DCAF6: variants seen among roughly 807,000 people sequenced by gnomAD.
The protein encoded by DCAF6 is DDB1 and CUL4 associated factor 6, also known as DDB1- and CUL4-associated factor 6.
DCAF6 carries 54 observed loss-of-function variants against 125.1 expected under a neutral mutation model. The ratio of observed to expected loss-of-function variants is 0.43; its 90% CI spans 0.35 to 0.54. DCAF6 has a LOEUF of 0.54. Among genes scored for constraint, DCAF6 ranks in the 20% least tolerant of loss-of-function variants. DCAF6 has a pLI of 0.01. For missense variants in DCAF6, 934 were observed against 1,161.7 expected (o/e 0.80, Z 2.85); for synonymous variants, 371 against 390.4 (o/e 0.95, Z 0.58).
intron 1 of DCAF6, among the ~76,000 whole-genome samples, chr1:167,948,134 CTT>C (rs34716266): frequency 1.5e-4 from 20 of 132,780 alleles, no homozygotes; most frequent in Admixed American, 1.5e-4. Context: ...TTTCTTAGTC[CTT>C]TTTTTTTTTT....
chr1:167,956,532 C>T (rs530797338), intron 2 of DCAF6, among the ~76,000 whole-genome samples: 22 of 152,042 alleles, frequency 1.4e-4, no homozygotes, highest in South Asian at 8.3e-4. Flanking sequence ...TAATTGTCTC[C>T]GTTGTTTTTC....
chr1:167,887,798 T>C, the DCAF6 span, among the ~76,000 whole-genome samples: 3 of 151,568 alleles, frequency 2.0e-5, no homozygotes, highest in Middle Eastern at 3.4e-3. Flanking sequence ...AAACACTTGA[T>C]GTTATCCCAT....
upstream of DCAF6, among the ~76,000 whole-genome samples, chr1:167,930,899 G>T (rs1670887906): frequency 6.6e-6 from 1 of 152,206 alleles, no homozygotes; most frequent in Admixed American, 6.5e-5. Context: ...TAGTTTAAAA[G>T]CAGGATAGCA....
chr1:168,063,913 C>A, intron 18 of DCAF6, 154 bp downstream of exon 18: 1 of 653,488 alleles, frequency 1.5e-6, no homozygotes, highest in Non-Finnish European at 2.4e-6. Flanking sequence ...TTCTTTTAGC[C>A]CTATAATATA....
At chr1:167,864,031 C>T in the DCAF6 span, among the ~76,000 whole-genome samples, 2 of 152,224 alleles carry the variant, frequency 1.3e-5, no homozygotes, top group African/African-American at 2.4e-5. Context: ...TGATCACCCA[C>T]GGTGTGCCTG....
chr1:167,991,222 C>T lies in DCAF6; in HGVS notation c.571C>T (p.Arg191Ter), dbSNP rs1166712923. 1 of 1,611,476 alleles carries T rather than the reference C, an allele frequency of 6.2e-7. No homozygotes were observed. The change falls in exon 6 of 22, where the codon CGA (arginine) becomes TGA (stop). Residue 191 changes from arginine to a stop codon, truncating the protein, a stop_gained. Transcript: ENST00000367840. LOFTEE classifies it high-confidence loss of function. ...TTTGTAGGATATTTTAATTAACTGT[C>T]GACGTGCTGCCACGTCTGTTGCTAT... ...DCKDDILINC[R>*]RAATSVAICP...
chr1:168,011,539 T>C (rs549441217), intron 10 of DCAF6, among the ~76,000 whole-genome samples: 2 of 152,204 alleles, frequency 1.3e-5, no homozygotes, highest in African/African-American at 2.4e-5. Context: ...TTGAGCTTTG[T>C]AGAAAAATTG....
intron 17 of DCAF6, 106 bp downstream of exon 17, chr1:168,051,039 G>A: frequency 2.0e-6 from 1 of 505,966 alleles, no homozygotes. Context: ...ACTCCCTTTG[G>A]ACTTACTGAA....
intron 21 of DCAF6, 36 bp downstream of exon 21, chr1:168,068,499 A>G (rs751283034): frequency 9.8e-6 from 10 of 1,023,612 alleles, no homozygotes; most frequent in Non-Finnish European, 1.3e-5. Context: ...AACCATTTTT[A>G]TATTTGAAAA....
At chr1:167,894,096 C>A in the DCAF6 span, among the ~76,000 whole-genome samples, 1 of 152,106 alleles carries the variant, frequency 6.6e-6, no homozygotes, top group Non-Finnish European at 1.5e-5. Context: ...GCTGAAAGGG[C>A]CAGGGGAAAT....
chr1:167,985,213 T>TGTG (rs1679812052), intron 4 of DCAF6, among the ~76,000 whole-genome samples: 2 of 141,110 alleles, frequency 1.4e-5, no homozygotes, highest in Non-Finnish European at 3.1e-5. Flanking sequence ...GTGTGTGTGG[T>TGTG]GTGTGTGTGT....
chr1:168,032,238 A>G (rs1396736911), intron 12 of DCAF6, among the ~76,000 whole-genome samples: 1 of 152,242 alleles, frequency 6.6e-6, no homozygotes, highest in African/African-American at 2.4e-5. Context: ...TTATAAAGCC[A>G]GATTTGCACT....
intron 16 of DCAF6, among the ~76,000 whole-genome samples, chr1:168,047,581 G>A (rs1689286315): frequency 1.3e-5 from 2 of 151,954 alleles, no homozygotes; most frequent in South Asian, 4.1e-4. Context: ...AGTAACAGAA[G>A]AACGATAAAA....
At position 167,975,026 on chromosome 1, in the gene DCAF6, A is replaced by T; in HGVS notation, c.438+11A>T. The T allele has an allele frequency of 1.3e-6, 2 of 1,534,104 alleles. No individual in the cohort carries two copies. On this transcript the variant is annotated intron_variant, in intron 4 of 21. Transcript: ENST00000367840. ...GGAACTACTTATGAGGTATGGTATT[A>T]TTATGATTATATGATATATATGTAA...
intron 4 of DCAF6, among the ~76,000 whole-genome samples, chr1:167,979,397 G>T (rs1447311616): frequency 6.6e-6 from 1 of 151,676 alleles, no homozygotes; most frequent in Non-Finnish European, 1.5e-5. Flanking sequence ...CTAGTCCCTG[G>T]CAACCATCAT....
intron 21 of DCAF6, among the ~76,000 whole-genome samples, chr1:168,070,860 A>G (rs796163639): frequency 6.6e-6 from 1 of 152,268 alleles, no homozygotes; most frequent in African/African-American, 2.4e-5. Context: ...CTTTGCCCAC[A>G]CATGTTCTTA....
chr1:168,042,372 A>G (rs1688653916), intron 13 of DCAF6, among the ~76,000 whole-genome samples: 1 of 152,076 alleles, frequency 6.6e-6, no homozygotes, highest in Non-Finnish European at 1.5e-5. Context: ...CAGAATACTT[A>G]TTGAAAATTA....
intron 17 of DCAF6, among the ~76,000 whole-genome samples, chr1:168,053,515 A>G (rs1042388386): frequency 2.0e-5 from 3 of 152,224 alleles, no homozygotes; most frequent in African/African-American, 7.2e-5. Context: ...AGGCACTTCA[A>G]TCATGGCTAT....
intron 4 of DCAF6, among the ~76,000 whole-genome samples, chr1:167,977,350 A>G (rs1678410701): frequency 6.6e-6 from 1 of 151,476 alleles, no homozygotes; most frequent in African/African-American, 2.4e-5. Context: ...CAGTTCTTCA[A>G]AGATAGTTTT....
Sources: allele counts gnomAD v4.1 joint callset (sites outside exome capture counted in the v4.1 genomes callset), GRCh38; gene constraint gnomAD v4.1.1; transcripts MANE v1.5; gene names NCBI Gene and HGNC (gene_info 2026-07-23, HGNC 2026-07-21).